The following XKR6 variants were observed in gnomAD, a reference collection of about 807,000 sequenced individuals.
The protein encoded by XKR6 is XK related 6, also known as XK-related protein 6.
XKR6 carries 22 observed loss-of-function variants against 56.7 expected under a neutral mutation model. The ratio of observed to expected loss-of-function variants is 0.39; its 90% CI spans 0.28 to 0.55. The LOEUF (loss-of-function observed/expected upper bound fraction) is 0.55, where lower values mean the gene tolerates loss of function less well. Among genes scored for constraint, XKR6 ranks in the 20% least tolerant of loss-of-function variants. The pLI is 0.66. For synonymous variants in XKR6, 524 were observed against 387.8 expected (o/e 1.35, Z -4.13); for missense variants, 852 against 889.0 (o/e 0.96, Z 0.53).
At chr8:10,906,131 G>A (rs1800183743) in intron 2 of XKR6, among the ~76,000 whole-genome samples, 2 of 152,218 alleles carry the variant, frequency 1.3e-5, no homozygotes, top group African/African-American at 4.8e-5. Context: ...TGCATGTGCT[G>A]GAGCTGGCCA....
chr8:11,036,853 G>T (rs1207248798), intron 1 of XKR6, among the ~76,000 whole-genome samples: 1 of 152,212 alleles, frequency 6.6e-6, no homozygotes, highest in African/African-American at 2.4e-5. Context: ...CTGGAAGGTG[G>T]CTGCGTGTGT....
chr8:10,982,275 G>C (rs931814016), intron 1 of XKR6, among the ~76,000 whole-genome samples: 2 of 152,286 alleles, frequency 1.3e-5, no homozygotes, highest in African/African-American at 4.8e-5. Flanking sequence ...TCATTTCCAA[G>C]AAAGCAAATG....
chr8:10,904,127 C>T (rs1800119071), intron 2 of XKR6, among the ~76,000 whole-genome samples: 1 of 152,158 alleles, frequency 6.6e-6, no homozygotes, highest in Non-Finnish European at 1.5e-5. Flanking sequence ...GAAATTGTTA[C>T]ACGCTTCACG....
intron 2 of XKR6, among the ~76,000 whole-genome samples, chr8:10,902,297 T>C (rs1373397171): frequency 6.6e-6 from 1 of 152,214 alleles, no homozygotes; most frequent in Non-Finnish European, 1.5e-5. Context: ...CTGCTTCATC[T>C]GTTCCTGACT....
intron 1 of XKR6, among the ~76,000 whole-genome samples, chr8:11,188,009 T>C (rs916260726): frequency 6.6e-6 from 1 of 152,232 alleles, no homozygotes; most frequent in Non-Finnish European, 1.5e-5. Flanking sequence ...TAGTTTTAAG[T>C]AGTCTGGCCT....
At chr8:10,909,165 CAA>C (rs33974218) in intron 2 of XKR6, among the ~76,000 whole-genome samples, 53,351 of 140,576 alleles carry the variant, frequency 0.38, 10,107 homozygotes, top group Non-Finnish European at 0.42. Flanking sequence ...GACTCTGTCT[CAA>C]AAAAAAAAAA....
At chr8:11,194,202 T>C (rs1803741708) in intron 1 of XKR6, among the ~76,000 whole-genome samples, 1 of 152,186 alleles carries the variant, frequency 6.6e-6, no homozygotes, top group South Asian at 2.1e-4. Flanking sequence ...ACCTGTAGCA[T>C]AATGAACTTT....
chr8:10,963,612 G>C (rs562861921), intron 1 of XKR6, among the ~76,000 whole-genome samples: 1 of 151,886 alleles, frequency 6.6e-6, no homozygotes, highest in Non-Finnish European at 1.5e-5. Flanking sequence ...TATGGTCATG[G>C]AGCACTGCAT....
intron 1 of XKR6, among the ~76,000 whole-genome samples, chr8:10,985,097 G>T (rs1246550840): frequency 6.6e-6 from 1 of 151,930 alleles, no homozygotes; most frequent in African/African-American, 2.4e-5. Context: ...ACACCACCAT[G>T]CCAGGCTAAA....
intron 1 of XKR6, among the ~76,000 whole-genome samples, chr8:11,102,100 CA>C (rs1215959620): frequency 6.6e-6 from 1 of 152,198 alleles, no homozygotes; most frequent in Non-Finnish European, 1.5e-5. Flanking sequence ...TGAAAAATTT[CA>C]ACAGTTCTTT....
At chr8:10,964,895 A>G (rs1280426893) in intron 1 of XKR6, among the ~76,000 whole-genome samples, 1 of 152,226 alleles carries the variant, frequency 6.6e-6, no homozygotes, top group Non-Finnish European at 1.5e-5. Context: ...ATTCGGACTT[A>G]GTTTCCCCGG....
intron 1 of XKR6, among the ~76,000 whole-genome samples, chr8:11,170,306 A>C (rs1198409174): frequency 6.6e-6 from 1 of 152,248 alleles, no homozygotes; most frequent in Non-Finnish European, 1.5e-5. Context: ...AAATGTTCCC[A>C]ACTCAAATAC....
At position 11,128,149 on chromosome 8, in the gene XKR6, T is replaced by A. The variant is rs140543462; in HGVS notation, c.764+72427A>T. ...TGAAGTTAATACGTAAAGGACAATC[T>A]GAATGTTTGGTTGAGCTTTTTCTAC... On this transcript the variant is annotated intron_variant, in intron 1 of 2. Coordinates refer to ENST00000416569, the MANE Select transcript of XKR6 (RefSeq NM_173683.4). Among the ~76,000 whole-genome samples the A allele has an allele frequency of 3.7e-4, 57 of 152,298 alleles. 2 individuals carry two copies. Among genetic ancestry groups the A allele is most frequent in the African/African-American group, 1.3e-3 (56 of 41,568 alleles).
rs140590818 is a variant in XKR6, at chr8:11,003,281, C to A, written c.765-78451G>T. Among the ~76,000 whole-genome samples, 4 of 152,282 alleles carry A rather than the reference C, an allele frequency of 2.6e-5. No individual in the cohort carries two copies. The South Asian group carries it at 8.3e-4, about 32-fold the overall frequency. The stretch of plus-strand genomic sequence containing the variant: ...AGTACAACATCATTGTCAACACCAT[C>A]ATCATCACCACCACCTCATCATCAC... On this transcript the variant is annotated intron_variant, in intron 1 of 2. Coordinates refer to ENST00000416569, the MANE Select transcript of XKR6 (RefSeq NM_173683.4).
chr8:11,171,368 G>A (rs887430223), intron 1 of XKR6, among the ~76,000 whole-genome samples: 2 of 152,232 alleles, frequency 1.3e-5, no homozygotes, highest in Non-Finnish European at 2.9e-5. Context: ...ATTAAGAGTT[G>A]CAGCTCTCAA....
At position 11,010,957 on chromosome 8, in the gene XKR6, G is replaced by A. The variant is rs961632232; in HGVS notation, c.765-86127C>T. Among the ~76,000 whole-genome samples the A allele has an allele frequency of 2.6e-5, 4 of 152,262 alleles. No homozygotes were observed. In the East Asian group the frequency reaches 5.8e-4, roughly 22 times the overall value. On this transcript the variant is annotated intron_variant, in intron 1 of 2. Transcript: ENST00000416569. Reference sequence around the variant, plus strand: ...GTCAACTGTGCCCAGGGCCAGGACCGCCTTCTCTATGCCAGGTATTTTGCT... The same window carrying A: ...GTCAACTGTGCCCAGGGCCAGGACCACCTTCTCTATGCCAGGTATTTTGCT...
intron 1 of XKR6, among the ~76,000 whole-genome samples, chr8:11,047,685 C>T (rs1347311226): frequency 6.6e-6 from 1 of 152,166 alleles, no homozygotes; most frequent in African/African-American, 2.4e-5. Context: ...TGCAAGAGTT[C>T]TGGCGATGGA....
chr8:11,030,422 G>T (rs1798965602), intron 1 of XKR6, among the ~76,000 whole-genome samples: 1 of 152,184 alleles, frequency 6.6e-6, no homozygotes. Flanking sequence ...CTCACCAACA[G>T]GATGCCCTCC....
intron 1 of XKR6, among the ~76,000 whole-genome samples, chr8:11,079,381 T>C (rs4841490): frequency 0.56 from 85,621 of 152,174 alleles, 26,841 homozygotes; most frequent in African/African-American, 0.82. Flanking sequence ...AATTCTATTT[T>C]TGACTTAAGA....
Sources: gnomAD v4.1 joint callset for allele counts (sites outside exome capture counted in the v4.1 genomes callset) on GRCh38, gnomAD v4.1.1 for gene constraint, MANE v1.5 for transcripts, NCBI Gene and HGNC (gene_info 2026-07-23, HGNC 2026-07-21) for gene names.